CASZ1: variants seen among roughly 807,000 people sequenced by gnomAD.
The protein encoded by CASZ1 is zinc finger protein castor homolog 1.
Under a neutral mutation model 135.2 loss-of-function variants are expected in CASZ1, and 28 were observed. The observed-to-expected ratio is 0.21, with a 90% CI of 0.15 to 0.28. The LOEUF is 0.28. Among genes scored for constraint, CASZ1 ranks in the 10% least tolerant of loss-of-function variants. CASZ1 has a pLI of 1.00. For missense variants in CASZ1, 2,161 were observed against 2,453.3 expected, an observed-to-expected ratio of 0.88 and a Z score of 2.52; for synonymous variants, 1,068 against 1,073.4, an observed-to-expected ratio of 0.99 and a Z score of 0.10.
intron 1 of CASZ1, among the ~76,000 whole-genome samples, chr1:10,766,397 G>A (rs74976027): frequency 0.013 from 1,922 of 152,300 alleles, 32 homozygotes; most frequent in African/African-American, 0.044. Flanking sequence ...TCAGTAAAAT[G>A]GGGATAAAGA....
At chr1:10,728,986 G>C (rs1416708997) in intron 2 of CASZ1, among the ~76,000 whole-genome samples, 3 of 152,116 alleles carry the variant, frequency 2.0e-5, no homozygotes, top group Non-Finnish European at 2.9e-5. Context: ...CCACTCTCCG[G>C]ACAGCTATTT....
chr1:10,732,788 T>C (rs573555531), intron 2 of CASZ1, among the ~76,000 whole-genome samples: 33 of 152,198 alleles, frequency 2.2e-4, no homozygotes, highest in Admixed American at 4.6e-4. Flanking sequence ...GAGGTAACAC[T>C]GCCCTGGGCC....
At chr1:10,692,751 T>C (rs1465078702) in intron 4 of CASZ1, among the ~76,000 whole-genome samples, 1 of 152,212 alleles carries the variant, frequency 6.6e-6, no homozygotes, top group Non-Finnish European at 1.5e-5. Context: ...CTCTGCCCAC[T>C]GACCTTTAGA....
rs755883738 is a variant in CASZ1, at chr1:10,640,000, C to A, written c.4222G>T (p.Asp1408Tyr). 1 of 1,612,422 alleles carries A rather than the reference C, an allele frequency of 6.2e-7. No homozygotes were observed. The highest frequency in any genetic ancestry group is 8.5e-7 in the Non-Finnish European group (1 of 1,180,010). The change falls in exon 21 of 21, where the codon GAC (aspartate) becomes TAC (tyrosine). Residue 1408 changes from aspartate (D) to tyrosine (Y), a missense_variant. By Grantham distance (160) the Asp-to-Tyr change is radical (BLOSUM62 -3). Around this residue, in one of 7 missense-constraint regions of CASZ1, gnomAD observed 143 missense variants for 128.3 expected, o/e 1.11. Coordinates refer to ENST00000377022, the MANE Select transcript of CASZ1 (RefSeq NM_001079843.3). This position sits in a 1 kb window ranked among gnomAD's most constrained non-coding sequence, Gnocchi z 4.0. Reference protein sequence around the residue: ...GAKKRFWIIEDMSPFGKRRKT... With the variant: ...GAKKRFWIIEYMSPFGKRRKT... ...CGCCGCTTGCCGAAGGGCGACATGT[C>A]CTCGATGATCCAGAAGCGCTTTTTG... is the stretch of plus-strand genomic sequence containing the variant.
At chr1:10,748,085 T>C (rs1640079308) in intron 2 of CASZ1, among the ~76,000 whole-genome samples, 1 of 152,354 alleles carries the variant, frequency 6.6e-6, no homozygotes, top group Admixed American at 6.5e-5. Flanking sequence ...CCCAAAGTGC[T>C]GGGATTACAG....
At chr1:10,743,673 GGGGT>G (rs1639976150) in intron 2 of CASZ1, among the ~76,000 whole-genome samples, 1 of 142,724 alleles carries the variant, frequency 7.0e-6, no homozygotes, top group Admixed American at 6.8e-5. Flanking sequence ...ATGGGGGGGC[GGGGT>G]GCGGGGGGAG....
intron 4 of CASZ1, among the ~76,000 whole-genome samples, chr1:10,680,490 G>A (rs543727709): frequency 1.3e-5 from 2 of 152,320 alleles, no homozygotes; most frequent in African/African-American, 4.8e-5. Context: ...TACTGGCACT[G>A]CCCCCTCTGC....
chr1:10,731,746 C>T (rs1468623336), intron 2 of CASZ1, among the ~76,000 whole-genome samples: 1 of 152,190 alleles, frequency 6.6e-6, no homozygotes, highest in African/African-American at 2.4e-5. Flanking sequence ...TGAGATACTC[C>T]TGCCTTTGCC....
chr1:10,792,612 T>C (rs1427023716), intron 1 of CASZ1, among the ~76,000 whole-genome samples: 1 of 151,904 alleles, frequency 6.6e-6, no homozygotes, highest in African/African-American at 2.4e-5. Context: ...CAGAGTCAGT[T>C]TGCAATTTTT....
chr1:10,718,363 T>A (rs1019751411), intron 2 of CASZ1, among the ~76,000 whole-genome samples: 17 of 152,378 alleles, frequency 1.1e-4, no homozygotes, highest in African/African-American at 4.1e-4. Flanking sequence ...AAATTTATTA[T>A]TTTTAATTAT....
chr1:10,676,774 G>T lies in CASZ1; in HGVS notation c.17-11203C>A, dbSNP rs1380076377. On this transcript the variant is annotated intron_variant, in intron 4 of 20. Transcript: ENST00000377022. The surrounding 1 kb of genome is among the most constrained non-coding windows in gnomAD (Gnocchi z 4.5). The stretch of plus-strand genomic sequence containing the variant: ...ACGTCCCAGCCACACAGGCCAGCAG[G>T]AGCCTCTGTGAAGCCTGCATGGAGA... 6.6e-6 allele frequency among the ~76,000 whole-genome samples: 1 copy of T among 152,242 alleles called. No homozygotes were observed. Among genetic ancestry groups the T allele is most frequent in the African/African-American group, 2.4e-5 (1 of 41,468 alleles).
intron 2 of CASZ1, among the ~76,000 whole-genome samples, chr1:10,737,414 G>C (rs1193647790): frequency 6.6e-6 from 1 of 152,234 alleles, no homozygotes; most frequent in Admixed American, 6.5e-5. Flanking sequence ...AGTGAGAGAG[G>C]ACACAGAACT....
chr1:10,689,620 G>T (rs960712832), intron 4 of CASZ1, among the ~76,000 whole-genome samples: 27 of 152,196 alleles, frequency 1.8e-4, no homozygotes, highest in African/African-American at 6.5e-4. Flanking sequence ...GGCTATGCTA[G>T]GCCTTTTAGC....
intron 11 of CASZ1, chr1:10,652,952 A>G (rs1436190610): frequency 8.0e-6 from 2 of 249,278 alleles, no homozygotes; most frequent in Non-Finnish European, 1.6e-5. Flanking sequence ...GTGCAGCCCC[A>G]CTACCGCTGG....
chr1:10,739,674 A>C lies in CASZ1; in HGVS notation c.-77+21027T>G, dbSNP rs2100528347. 6.6e-6 allele frequency among the ~76,000 whole-genome samples: 1 copy of C among 152,128 alleles called. No individual in the cohort carries two copies. Among genetic ancestry groups the C allele is most frequent in the South Asian group, 2.1e-4 (1 of 4,820 alleles). ...AGAGTCCAAGCTATAGTTTGGCCCA[A>C]ATGTCCCGGCCAGGGTGGCTCTGTG... On this transcript the variant is annotated intron_variant, in intron 2 of 20. Transcript: ENST00000377022. The surrounding 1 kb of genome is among the most constrained non-coding windows in gnomAD (Gnocchi z 4.8).
At chr1:10,772,259 G>A (rs1640589839) in intron 1 of CASZ1, among the ~76,000 whole-genome samples, 1 of 152,324 alleles carries the variant, frequency 6.6e-6, no homozygotes, top group Non-Finnish European at 1.5e-5. Context: ...AGGCCACATT[G>A]CAGCTGGGAG....
intron 1 of CASZ1, among the ~76,000 whole-genome samples, chr1:10,773,273 C>A (rs1008750464): frequency 6.6e-6 from 1 of 152,154 alleles, no homozygotes; most frequent in African/African-American, 2.4e-5. Context: ...CTTATCCCAG[C>A]TGTCTGGTAA....
rs567408687 is a variant in CASZ1, at chr1:10,697,953, C to T, written c.-23-4041G>A. Reference sequence around the variant, plus strand: ...GAAAGCTGTGAGCCAGCGAAGTGGACGGGAAGCATGGGGGCCGAGGGAGGG... The same window carrying T: ...GAAAGCTGTGAGCCAGCGAAGTGGATGGGAAGCATGGGGGCCGAGGGAGGG... On this transcript the variant is annotated intron_variant, in intron 3 of 20. Transcript: ENST00000377022. The surrounding 1 kb of genome is among the most constrained non-coding windows in gnomAD (Gnocchi z 4.7). Among the ~76,000 whole-genome samples, 14 of 152,290 alleles carry T rather than the reference C, an allele frequency of 9.2e-5. No individual in the cohort carries two copies. In the East Asian group the frequency reaches 1.5e-3, roughly 17 times the overall value.
rs1485716711 is a variant in CASZ1 at position 10,739,753 on chromosome 1, T to G, written c.-77+20948A>C. 6.6e-6 allele frequency among the ~76,000 whole-genome samples: 1 copy of G among 152,184 alleles called. No homozygotes were observed. The highest frequency in any genetic ancestry group is 1.5e-5 in the Non-Finnish European group (1 of 68,026). On this transcript the variant is annotated intron_variant, in intron 2 of 20. Transcript: ENST00000377022. This position sits in a 1 kb window ranked among gnomAD's most constrained non-coding sequence, Gnocchi z 4.8. ...TTTCTCTGGGCCCTCTCTTTGGGGT[T>G]CTGGTTCCCGATTAAACCTTGACCT...
Sources: gnomAD v4.1 joint callset for allele counts (sites outside exome capture counted in the v4.1 genomes callset) on GRCh38, gnomAD v4.1.1 for gene constraint, gnomAD v4.1.1 regional missense constraint, Gnocchi (gnomAD v3.1) non-coding constraint, MANE v1.5 for transcripts, NCBI Gene and HGNC (gene_info 2026-07-23, HGNC 2026-07-21) for gene names.